The following BACH1 variants were observed in gnomAD, a reference collection of about 807,000 sequenced individuals.
BACH1 encodes the protein BTB domain and CNC homolog 1, also known as transcription regulator protein BACH1.
BACH1 carries 35 observed loss-of-function variants against 52.9 expected under a neutral mutation model. The observed-to-expected ratio is 0.66, with a 90% CI of 0.51 to 0.88. BACH1 has a LOEUF of 0.88. Among genes scored for constraint, BACH1 ranks in the 40% least tolerant of loss-of-function variants. The probability of loss-of-function intolerance (pLI) is 0.00; values close to 1 mark genes in which losing one functional copy is unlikely to be tolerated. For synonymous variants in BACH1, 321 were observed against 319.6 expected, an observed-to-expected ratio of 1.00 and a Z score of -0.05; for missense variants, 808 against 872.6, an observed-to-expected ratio of 0.93 and a Z score of 0.93.
At position 29,342,512 on chromosome 21, in the gene BACH1, G is replaced by A; in HGVS notation, c.1890G>A (p.Leu630=). 1 of 1,614,232 alleles carries A rather than the reference G, an allele frequency of 6.2e-7. No individual in the cohort carries two copies. The highest frequency in any genetic ancestry group is 1.1e-5 in the South Asian group (1 of 91,082). The part of the protein sequence containing the change: ...LCQKVCKEAA[L]SQEQIQILAK... ...AGAAAGTTTGTAAAGAAGCAGCTCT[G>A]AGTCAAGAACAAATACAGATACTCG... Residue 630 remains leucine, a synonymous_variant, in exon 5 of 5, where the codon CTG becomes CTA. Transcript: ENST00000286800.
At chr21:29,315,897 A>C (rs2088780665) in intron 1 of BACH1, among the ~76,000 whole-genome samples, 1 of 152,136 alleles carries the variant, frequency 6.6e-6, no homozygotes, top group Non-Finnish European at 1.5e-5. Context: ...CTTGGCACTT[A>C]ATGCATCATA....
At chr21:29,306,309 C>G (rs144570343) in intron 1 of BACH1, among the ~76,000 whole-genome samples, 3 of 151,052 alleles carry the variant, frequency 2.0e-5, no homozygotes, top group African/African-American at 7.3e-5. Flanking sequence ...ATGGCTGCCA[C>G]AAGTTCAAGT....
At chr21:29,311,170 T>A (rs529377460) in intron 1 of BACH1, among the ~76,000 whole-genome samples, 1 of 152,328 alleles carries the variant, frequency 6.6e-6, no homozygotes, top group South Asian at 2.1e-4. Context: ...ATAGTATGTG[T>A]AACATCGTAC....
chr21:29,321,324 T>C lies in BACH1; in HGVS notation c.44T>C (p.Val15Ala). The change falls in exon 2 of 5, where the codon GTG becomes GCG. Residue 15 changes from valine (V) to alanine (A), a missense_variant. By Grantham distance (64) the Val-to-Ala change is moderately conservative. Coordinates refer to ENST00000286800, the MANE Select transcript of BACH1 (RefSeq NM_001186.4). ...TCGGTTTTTGCCTATGAATCTTCTG[T>C]GCATAGCACCAATGTTTTACTCAGC... ...ENSVFAYESS[V>A]HSTNVLLSLN... is the part of the protein sequence containing the mutation. 6.2e-7 allele frequency: 1 copy of C among 1,614,200 alleles called. No individual in the cohort carries two copies. Among genetic ancestry groups the C allele is most frequent in the East Asian group, 2.2e-5 (1 of 44,874 alleles).
At chr21:29,325,072 A>G (rs1473276465) in intron 2 of BACH1, among the ~76,000 whole-genome samples, 1 of 152,134 alleles carries the variant, frequency 6.6e-6, no homozygotes, top group Non-Finnish European at 1.5e-5. Flanking sequence ...TACTAAAAAT[A>G]CAGAAAAATT....
intron 1 of BACH1, among the ~76,000 whole-genome samples, chr21:29,320,732 C>T (rs2088838243): frequency 1.3e-5 from 2 of 152,178 alleles, no homozygotes; most frequent in East Asian, 3.8e-4. Context: ...TGCCATCTAT[C>T]AGATGTTGAG....
intron 4 of BACH1, among the ~76,000 whole-genome samples, chr21:29,331,158 T>G (rs1197326261): frequency 6.6e-6 from 1 of 152,204 alleles, no homozygotes; most frequent in Non-Finnish European, 1.5e-5. Context: ...AGTATAGCAT[T>G]TTGAGCTTCA....
chr21:29,343,252 A>G lies in BACH1; in HGVS notation c.*419A>G, dbSNP rs1182848623. 1 of 155,776 alleles carries G rather than the reference A, an allele frequency of 6.4e-6. No individual in the cohort carries two copies. Among genetic ancestry groups the G allele is most frequent in the African/African-American group, 2.4e-5 (1 of 41,460 alleles). 9.6% of individuals were successfully genotyped at this position (155,776 alleles called of 1,614,324 possible). On this transcript the variant is annotated 3_prime_UTR_variant, in exon 5 of 5. Coordinates refer to ENST00000286800, the MANE Select transcript of BACH1 (RefSeq NM_001186.4). Reference sequence around the variant, plus strand: ...TAATTTGACTTTTTTCTAATATTTTAGTTTGAAAGAAAATTTCTTCCCAAG... The same window carrying G: ...TAATTTGACTTTTTTCTAATATTTTGGTTTGAAAGAAAATTTCTTCCCAAG...
chr21:29,320,236 C>T (rs538294300), intron 1 of BACH1, among the ~76,000 whole-genome samples: 7 of 152,250 alleles, frequency 4.6e-5, no homozygotes, highest in South Asian at 2.1e-4. Flanking sequence ...AGGCATCACA[C>T]GGATAAAGGC....
At chr21:29,314,370 ATAACTT>A (rs2088762324) in intron 1 of BACH1, among the ~76,000 whole-genome samples, 1 of 152,240 alleles carries the variant, frequency 6.6e-6, no homozygotes, top group African/African-American at 2.4e-5. Context: ...TGAGGAGTCT[ATAACTT>A]TAACAAACTT....
intron 3 of BACH1, among the ~76,000 whole-genome samples, chr21:29,328,060 T>C (rs2088935846): frequency 6.6e-6 from 1 of 152,244 alleles, no homozygotes; most frequent in South Asian, 2.1e-4. Context: ...TATTCAGTCT[T>C]GCTCATTGCC....
At chr21:29,328,510 C>T (rs546798467) in intron 3 of BACH1, among the ~76,000 whole-genome samples, 246 of 151,134 alleles carry the variant, frequency 1.6e-3, no homozygotes, top group Non-Finnish European at 3.0e-3. Flanking sequence ...CTATTTTATC[C>T]ATTGCATTTT....
Position 29,341,524 on chromosome 21 carries a change from T to A in BACH1, c.1777-875T>A, listed in dbSNP as rs530478238. Among the ~76,000 whole-genome samples the A allele has an allele frequency of 6.6e-5, 10 of 152,322 alleles. No homozygotes were observed. In the South Asian group the frequency reaches 1.7e-3, roughly 25 times the overall value. ...AATAGAAAAGACATGCTGTCAGCAG[T>A]GATAAGTGACATGGACAGGAAGGCA... On this transcript the variant is annotated intron_variant, in intron 4 of 4. Transcript: ENST00000286800.
intron 4 of BACH1, among the ~76,000 whole-genome samples, chr21:29,334,749 C>T (rs1466640302): frequency 6.6e-6 from 1 of 152,186 alleles, no homozygotes; most frequent in Non-Finnish European, 1.5e-5. Context: ...TATTTCATTA[C>T]TTTTGTCCAT....
chr21:29,302,539 A>C (rs2088614969), intron 1 of BACH1, among the ~76,000 whole-genome samples: 3 of 152,216 alleles, frequency 2.0e-5, no homozygotes, highest in Admixed American at 2.0e-4. Context: ...AAGCTCTTCT[A>C]CCTGGTAACT....
At chr21:29,346,541 A>G (rs1472893916), downstream of BACH1, among the ~76,000 whole-genome samples, 3 of 152,178 alleles carry the variant, frequency 2.0e-5, no homozygotes, top group Middle Eastern at 3.4e-3. Context: ...TGGTCTAATC[A>G]TAGTGATTCT....
In BACH1 at chr21:29,327,458, A is replaced by G. The variant is rs540348624; in HGVS notation, c.1569+65A>G. On this transcript the variant is annotated intron_variant, in intron 3 of 4. Transcript: ENST00000286800. Reference sequence around the variant, plus strand: ...CATTAATTGGGATTTACTGTGGATCAGCTCCCTTTGCATCATTAGGGATAT... The same window carrying G: ...CATTAATTGGGATTTACTGTGGATCGGCTCCCTTTGCATCATTAGGGATAT... 7 of 1,539,838 alleles carry G rather than the reference A, an allele frequency of 4.5e-6. No individual in the cohort carries two copies. The East Asian group carries it at 1.6e-4, about 35-fold the overall frequency.
intron 1 of BACH1, among the ~76,000 whole-genome samples, chr21:29,301,916 G>A (rs1179592852): frequency 6.6e-6 from 1 of 152,054 alleles, no homozygotes; most frequent in Non-Finnish European, 1.5e-5. Context: ...CGGCGGTGAG[G>A]GTGGTTAGTA....
intron 2 of BACH1, among the ~76,000 whole-genome samples, chr21:29,323,145 A>G (rs868785034): frequency 1.1e-4 from 16 of 152,246 alleles, no homozygotes; most frequent in African/African-American, 3.6e-4. Flanking sequence ...ATATTTAAAA[A>G]TTTTAATTGA....
Sources: allele counts gnomAD v4.1 joint callset (sites outside exome capture counted in the v4.1 genomes callset), GRCh38; gene constraint gnomAD v4.1.1; transcripts MANE v1.5; gene names NCBI Gene and HGNC (gene_info 2026-07-23, HGNC 2026-07-21).